BMAL1: variants seen among roughly 807,000 people sequenced by gnomAD.
BMAL1 encodes basic helix-loop-helix ARNT like 1.
At chr11:13,285,522 G>A in the BMAL1 span, among the ~76,000 whole-genome samples, 1 of 152,318 alleles carries the variant, frequency 6.6e-6, no homozygotes, top group South Asian at 2.1e-4. Context: ...TCACAGGGGA[G>A]ACCTCTCTGA....
At chr11:13,326,370 A>G in the BMAL1 span, 4 of 152,158 alleles carry the variant, frequency 2.6e-5, no homozygotes, top group Non-Finnish European at 5.9e-5. Context: ...TACCATCTGT[A>G]TAGCTGGATT....
the BMAL1 span, among the ~76,000 whole-genome samples, chr11:13,306,704 C>T: frequency 4.6e-5 from 7 of 152,180 alleles, no homozygotes; most frequent in South Asian, 2.1e-4. Flanking sequence ...ATACAGAAAA[C>T]GGCGTGATGG....
chr11:13,290,268 A>G, the BMAL1 span, among the ~76,000 whole-genome samples: 1 of 152,192 alleles, frequency 6.6e-6, no homozygotes, highest in Admixed American at 6.5e-5. Context: ...CTGGGCATGG[A>G]CGGAAAAGTT....
chr11:13,295,496 G>A, the BMAL1 span, among the ~76,000 whole-genome samples: 25 of 152,172 alleles, frequency 1.6e-4, no homozygotes, highest in Non-Finnish European at 2.9e-4. Flanking sequence ...GGCTCCTTCT[G>A]TGTCCTCTGG....
At chr11:13,340,926 C>G in the BMAL1 span, among the ~76,000 whole-genome samples, 2 of 152,180 alleles carry the variant, frequency 1.3e-5, no homozygotes, top group Admixed American at 6.5e-5. Flanking sequence ...GGAATCCACC[C>G]CTTTCACAGA....
chr11:13,322,118 C>G, the BMAL1 span, among the ~76,000 whole-genome samples: 1 of 152,162 alleles, frequency 6.6e-6, no homozygotes, highest in Non-Finnish European at 1.5e-5. Context: ...TCGGGCTAAT[C>G]ACCTGACTCC....
the BMAL1 span, among the ~76,000 whole-genome samples, chr11:13,336,994 T>C: frequency 6.6e-6 from 1 of 152,234 alleles, no homozygotes; most frequent in African/African-American, 2.4e-5. Context: ...CTAAGTTTTA[T>C]AGTTCTGCTT....
At chr11:13,384,798 CATT>C in the BMAL1 span, among the ~76,000 whole-genome samples, 2 of 152,126 alleles carry the variant, frequency 1.3e-5, no homozygotes, top group African/African-American at 4.8e-5. Flanking sequence ...AAATACTATT[CATT>C]ATTTATGTTA....
chr11:13,317,145 G>A, the BMAL1 span, among the ~76,000 whole-genome samples: 1 of 152,254 alleles, frequency 6.6e-6, no homozygotes, highest in Non-Finnish European at 1.5e-5. Context: ...GTTTGTCAAA[G>A]TATTATTGTT....
At chr11:13,367,016 T>G in the BMAL1 span, among the ~76,000 whole-genome samples, 5 of 152,246 alleles carry the variant, frequency 3.3e-5, no homozygotes, top group African/African-American at 1.2e-4. Flanking sequence ...AAAGAAGAGC[T>G]ATTTAGACTG....
At chr11:13,279,525 C>T in the BMAL1 span, among the ~76,000 whole-genome samples, 1 of 152,156 alleles carries the variant, frequency 6.6e-6, no homozygotes, top group African/African-American at 2.4e-5. Flanking sequence ...TTAAAATAAT[C>T]ATTGCTGCTC....
At chr11:13,284,077 GGTGT>G in the BMAL1 span, among the ~76,000 whole-genome samples, 13,453 of 85,246 alleles carry the variant, frequency 0.16, 2,003 homozygotes, top group East Asian at 0.25. Flanking sequence ...ACAGTGTTGG[GGTGT>G]GTGTGTGTGT....
chr11:13,297,044 C>G, the BMAL1 span, among the ~76,000 whole-genome samples: 2 of 152,156 alleles, frequency 1.3e-5, no homozygotes, highest in African/African-American at 4.8e-5. Flanking sequence ...TCTCTGCAGC[C>G]CTCCTCTTAC....
chr11:13,321,679 G>T, the BMAL1 span, among the ~76,000 whole-genome samples: 2 of 152,116 alleles, frequency 1.3e-5, no homozygotes, highest in Admixed American at 1.3e-4. Flanking sequence ...ACCTATTAGT[G>T]GGGCCCCAGG....
the BMAL1 span, among the ~76,000 whole-genome samples, chr11:13,277,388 G>A: frequency 4.6e-5 from 7 of 152,178 alleles, no homozygotes; most frequent in African/African-American, 1.7e-4. Context: ...CAGTGGCCGC[G>A]GCTAGTGGGA....
At chr11:13,291,186 C>T in the BMAL1 span, among the ~76,000 whole-genome samples, 1 of 152,182 alleles carries the variant, frequency 6.6e-6, no homozygotes, top group African/African-American at 2.4e-5. Flanking sequence ...AAAACCTTTC[C>T]AAATGCTGTG....
At chr11:13,369,646 C>T in the BMAL1 span, 1 of 1,613,896 alleles carries the variant, frequency 6.2e-7, no homozygotes, top group Admixed American at 1.7e-5. Context: ...CAGATATAAC[C>T]CCTGGGCCAT....
At chr11:13,284,077 GGTGTGTGTGTGTGT>G in the BMAL1 span, among the ~76,000 whole-genome samples, 4 of 85,630 alleles carry the variant, frequency 4.7e-5, no homozygotes, top group Admixed American at 2.4e-4. Flanking sequence ...ACAGTGTTGG[GGTGTGTGTGTGTGT>G]GTGTGTGTGT....
chr11:13,351,742 TCTC>T, the BMAL1 span, among the ~76,000 whole-genome samples: 1 of 152,110 alleles, frequency 6.6e-6, no homozygotes, highest in Non-Finnish European at 1.5e-5. Context: ...CGAGGTCAGC[TCTC>T]CTCTGGATGT....
Sources: allele counts gnomAD v4.1 joint callset (sites outside exome capture counted in the v4.1 genomes callset), GRCh38; gene constraint gnomAD v4.1.1; transcripts MANE v1.5; gene names NCBI Gene and HGNC (gene_info 2026-07-23, HGNC 2026-07-21).